Variants in CNIH3 observed in about 807,000 individuals in gnomAD.
CNIH3 encodes cornichon family AMPA receptor auxiliary protein 3.
In CNIH3, 14 loss-of-function variants were observed where a neutral mutation model predicts 24.1. That is an observed-to-expected ratio of 0.58 (90% CI 0.38 to 0.91). The LOEUF (loss-of-function observed/expected upper bound fraction) is 0.91, where lower values mean the gene tolerates loss of function less well. Among genes scored for constraint, CNIH3 ranks in the 40% least tolerant of loss-of-function variants. The pLI is 0.00. For synonymous variants in CNIH3, 68 were observed against 73.8 expected (o/e 0.92, Z 0.40); for missense variants, 178 against 196.8 (o/e 0.90, Z 0.57).
At chr1:224,596,362 G>A (rs993957960) in intron 3 of CNIH3, among the ~76,000 whole-genome samples, 18 of 152,228 alleles carry the variant, frequency 1.2e-4, no homozygotes, top group African/African-American at 3.4e-4. Flanking sequence ...TATTGAGTAT[G>A]TTAAGCCCAC....
intron 1 of CNIH3, among the ~76,000 whole-genome samples, chr1:224,519,887 A>G (rs1558125898): frequency 6.6e-6 from 1 of 152,142 alleles, no homozygotes. Flanking sequence ...TTTGTCAGTC[A>G]CAGTAGACCA....
chr1:224,570,961 C>T (rs1239744634), intron 4 of CNIH3, among the ~76,000 whole-genome samples: 3 of 151,822 alleles, frequency 2.0e-5, no homozygotes, highest in African/African-American at 7.3e-5. Flanking sequence ...CGTGAATTTC[C>T]ACACTGTGAG....
At chr1:224,486,134 C>T (rs1474127735) in intron 1 of CNIH3, among the ~76,000 whole-genome samples, 1 of 152,138 alleles carries the variant, frequency 6.6e-6, no homozygotes, top group Non-Finnish European at 1.5e-5. Context: ...GAGACAGGGT[C>T]TGGCTCTGTT....
At position 224,681,042 on chromosome 1, in the gene CNIH3, T is replaced by A. The variant is rs779343676; in HGVS notation, c.150+16T>A. The A allele has an allele frequency of 2.5e-6, 4 of 1,611,822 alleles. No individual in the cohort carries two copies. Among genetic ancestry groups the A allele is most frequent in the Non-Finnish European group, 8.5e-7 (1 of 1,177,912 alleles). ...TGTTCATGCGGTAAGTGGCGGGTAC[T>A]GGTGAGGGGAAGGTGCTATCACCCC... On this transcript the variant is annotated intron_variant, in intron 2 of 5. Coordinates refer to ENST00000272133, the MANE Select transcript of CNIH3 (RefSeq NM_152495.2).
At chr1:224,723,614 T>C (rs1688860768) in intron 3 of CNIH3, among the ~76,000 whole-genome samples, 2 of 152,252 alleles carry the variant, frequency 1.3e-5, no homozygotes, top group South Asian at 4.1e-4. Flanking sequence ...AGGAAAATTC[T>C]TCTGTCTTCA....
At chr1:224,619,887 T>G (rs1336562944) in intron 1 of CNIH3, among the ~76,000 whole-genome samples, 4 of 152,214 alleles carry the variant, frequency 2.6e-5, no homozygotes, top group Non-Finnish European at 5.9e-5. Flanking sequence ...CTTATTGAAT[T>G]GTACGTACCT....
At chr1:224,553,204 AC>A (rs1410687073) in intron 3 of CNIH3, among the ~76,000 whole-genome samples, 1 of 149,320 alleles carries the variant, frequency 6.7e-6, no homozygotes, top group South Asian at 2.1e-4. Context: ...CAGGGGGTAT[AC>A]CCCCTGTGAT....
chr1:224,661,552 G>T, intron 1 of CNIH3: 1 of 364,254 alleles, frequency 2.7e-6, no homozygotes, highest in South Asian at 2.7e-5. Flanking sequence ...TTCAAAGTAG[G>T]TAAATGGAAA....
At chr1:224,659,524 T>C (rs12030696) in intron 1 of CNIH3, among the ~76,000 whole-genome samples, 26,889 of 148,418 alleles carry the variant, frequency 0.18, 2,538 homozygotes, top group African/African-American at 0.24. Flanking sequence ...CCAAACCTGA[T>C]GGGAAAAGAG....
In CNIH3 at chr1:224,489,424, G is replaced by GT. The variant is rs201465763; in HGVS notation, n.204-26308dup. 3.3e-3 allele frequency among the ~76,000 whole-genome samples: 489 copies of GT among 150,390 alleles called. 3 individuals carry two copies. The highest frequency in any genetic ancestry group is 5.1e-3 in the Non-Finnish European group (341 of 67,500). On this transcript the variant is annotated intron_variant and non_coding_transcript_variant, in intron 1 of 5. Coordinates refer to the CNIH3 transcript ENST00000471578. ...TTTGGTTCACACCAGTAAGACTTTG[G>GT]TTTTTTTTTCTGACTTTTAGCTGCC...
chr1:224,673,187 T>C (rs184987763), intron 1 of CNIH3, among the ~76,000 whole-genome samples: 2 of 152,356 alleles, frequency 1.3e-5, no homozygotes, highest in East Asian at 3.9e-4. Flanking sequence ...CCCTCGGTCA[T>C]GTCCATGCAA....
At chr1:224,700,597 G>T (rs1038303947) in intron 3 of CNIH3, among the ~76,000 whole-genome samples, 1 of 152,206 alleles carries the variant, frequency 6.6e-6, no homozygotes, top group Admixed American at 6.5e-5. Flanking sequence ...GCAAGACTTG[G>T]ATCCTCTTTC....
chr1:224,636,940 G>A (rs1271858008), intron 1 of CNIH3, among the ~76,000 whole-genome samples: 1 of 150,948 alleles, frequency 6.6e-6, no homozygotes, highest in Non-Finnish European at 1.5e-5. Context: ...ATCTGTCTTT[G>A]AGAGATGCAT....
chr1:224,504,359 G>T (rs564193873), intron 1 of CNIH3, among the ~76,000 whole-genome samples: 4 of 152,278 alleles, frequency 2.6e-5, no homozygotes, highest in East Asian at 3.9e-4. Flanking sequence ...TGTAAACTAT[G>T]GTGTGTTCTT....
chr1:224,734,439 G>T, intron 4 of CNIH3, 124 bp from the exon 5 acceptor site: 1 of 908,332 alleles, frequency 1.1e-6, no homozygotes, highest in Non-Finnish European at 1.7e-6. Context: ...ACTGTGATTT[G>T]GGCAGAAGGC....
intron 3 of CNIH3, 55 bp from the exon 4 acceptor site, chr1:224,730,407 C>T: frequency 8.7e-7 from 1 of 1,146,472 alleles, no homozygotes; most frequent in Admixed American, 2.0e-5. Flanking sequence ...GCCATAGAAG[C>T]AGGAGTGGCG....
intron 1 of CNIH3, among the ~76,000 whole-genome samples, chr1:224,479,658 C>T (rs1312511513): frequency 6.6e-6 from 1 of 152,228 alleles, no homozygotes; most frequent in African/African-American, 2.4e-5. Flanking sequence ...GCTACAGGCC[C>T]CATGCAAGTC....
chr1:224,451,968 T>C (rs1675416629), intron 1 of CNIH3, among the ~76,000 whole-genome samples: 2 of 152,238 alleles, frequency 1.3e-5, no homozygotes, highest in Admixed American at 1.3e-4. Flanking sequence ...CTTCTGCTTC[T>C]ATACAGGTTA....
At chr1:224,486,890 C>A (rs1056014636) in intron 1 of CNIH3, among the ~76,000 whole-genome samples, 1 of 152,184 alleles carries the variant, frequency 6.6e-6, no homozygotes, top group Non-Finnish European at 1.5e-5. Flanking sequence ...TGCAGCATTG[C>A]TGTGAAAAGG....
Sources: gnomAD v4.1 joint callset for allele counts (sites outside exome capture counted in the v4.1 genomes callset) on GRCh38, gnomAD v4.1.1 for gene constraint, MANE v1.5 for transcripts, NCBI Gene and HGNC (gene_info 2026-07-23, HGNC 2026-07-21) for gene names.